The following RAD23B variants were observed in gnomAD, a reference collection of about 807,000 sequenced individuals.
RAD23B encodes the protein RAD23 nucleotide excision repair protein B.
RAD23B carries 5 observed loss-of-function variants against 49.1 expected under a neutral mutation model. That is an observed-to-expected ratio of 0.10 (90% CI 0.05 to 0.21). RAD23B has a LOEUF of 0.21. Ranked by LOEUF, RAD23B falls within the 10% of genes least tolerant of loss-of-function variation. The probability of loss-of-function intolerance (pLI) is 1.00; values close to 1 mark genes in which losing one functional copy is unlikely to be tolerated. For synonymous variants in RAD23B, 184 were observed against 165.4 expected (o/e 1.11, Z -0.86); for missense variants, 356 against 486.7 (o/e 0.73, Z 2.53).
At chr9:107,320,269 A>T (rs995295897) in intron 6 of RAD23B, among the ~76,000 whole-genome samples, 5 of 152,226 alleles carry the variant, frequency 3.3e-5, no homozygotes, top group African/African-American at 1.2e-4. Context: ...TGTGGAATTA[A>T]TAATTGTTGT....
chr9:107,289,928 T>A (rs1833348257), intron 1 of RAD23B, among the ~76,000 whole-genome samples: 1 of 152,314 alleles, frequency 6.6e-6, no homozygotes, highest in African/African-American at 2.4e-5. Context: ...TGTAGCCACA[T>A]TGACTTGTCT....
At chr9:107,299,609 TA>T (rs1304471005) in intron 1 of RAD23B, among the ~76,000 whole-genome samples, 2 of 152,076 alleles carry the variant, frequency 1.3e-5, no homozygotes, top group Non-Finnish European at 2.9e-5. Flanking sequence ...TAAAACTTTT[TA>T]AAAATACTGA....
At position 107,311,588 on chromosome 9, in the gene RAD23B, A is replaced by C. The variant is rs1826887797; in HGVS notation, c.498-94A>C. On this transcript the variant is annotated intron_variant, in intron 4 of 9. Transcript: ENST00000358015. ...AGACTTTTATATTTAATTAAAATCA[A>C]AGAATCTGTTTACCAATTGGATAGT... is the stretch of plus-strand genomic sequence containing the variant. 3 of 820,776 alleles carry C rather than the reference A, an allele frequency of 3.7e-6. No homozygotes were observed. The Admixed American group carries it at 9.6e-5, about 26-fold the overall frequency. The allele number at this position is 820,776 out of a possible 1,614,324, so 50.8% of individuals were successfully genotyped here.
chr9:107,292,130 A>G (rs888307859), intron 1 of RAD23B, among the ~76,000 whole-genome samples: 1 of 152,176 alleles, frequency 6.6e-6, no homozygotes, highest in African/African-American at 2.4e-5. Context: ...TTAATTAGCA[A>G]CTAGCTTTTT....
chr9:107,304,262 A>G (rs1826715527), intron 3 of RAD23B, among the ~76,000 whole-genome samples: 1 of 152,242 alleles, frequency 6.6e-6, no homozygotes. Flanking sequence ...TTGCAATATT[A>G]TTTTGATAAC....
rs114647556 is a variant in RAD23B, at chr9:107,315,060, C to G, written c.553+3323C>G. 2.0e-5 allele frequency among the ~76,000 whole-genome samples: 3 copies of G among 152,188 alleles called. No homozygotes were observed. The South Asian group carries it at 6.2e-4, about 32-fold the overall frequency. ...TTTGTTAGATTGCCTAAGCCAGTGT[C>G]CAGAAGAGTTTTTCTAGGTTTTCTT... On this transcript the variant is annotated intron_variant, in intron 5 of 9. Transcript: ENST00000358015.
intron 3 of RAD23B, among the ~76,000 whole-genome samples, chr9:107,305,510 T>C (rs1339671388): frequency 6.6e-6 from 1 of 152,130 alleles, no homozygotes; most frequent in East Asian, 1.9e-4. Context: ...AAAAAAATTA[T>C]CATGTAAGTG....
rs77865429 is a variant in RAD23B, at chr9:107,307,126, C to G, written c.497+479C>G. 5.6e-3 allele frequency among the ~76,000 whole-genome samples: 854 copies of G among 152,200 alleles called. 5 individuals carry two copies. Among genetic ancestry groups the G allele is most frequent in the Middle Eastern group, 0.01 (3 of 294 alleles). Reference sequence around the variant, plus strand: ...TTCTGACATTTGTTAGCTCTTGTAACCTGAACCTATGGACTATTTCAGTTT... The same window carrying G: ...TTCTGACATTTGTTAGCTCTTGTAAGCTGAACCTATGGACTATTTCAGTTT... On this transcript the variant is annotated intron_variant, in intron 4 of 9. Coordinates refer to ENST00000358015, the MANE Select transcript of RAD23B (RefSeq NM_002874.5).
chr9:107,298,102 T>C (rs1298363625), intron 1 of RAD23B, among the ~76,000 whole-genome samples: 3 of 152,200 alleles, frequency 2.0e-5, no homozygotes, highest in Non-Finnish European at 4.4e-5. Context: ...AAATATTGTA[T>C]CCTTTTGTCC....
intron 5 of RAD23B, among the ~76,000 whole-genome samples, chr9:107,317,778 A>T (rs1444951967): frequency 6.6e-6 from 1 of 152,040 alleles, no homozygotes; most frequent in Non-Finnish European, 1.5e-5. Context: ...GGTTTCATTT[A>T]TTCAGAGTGT....
chr9:107,299,633 A>T (rs1389997322), intron 1 of RAD23B, among the ~76,000 whole-genome samples: 1 of 152,218 alleles, frequency 6.6e-6, no homozygotes, highest in South Asian at 2.1e-4. Flanking sequence ...TCAAGGTCCC[A>T]CTCTCAGAGA....
rs1827049174 is a variant in RAD23B at position 107,318,838 on chromosome 9, A to G, written c.640A>G (p.Ser214Gly). Residue 214 changes from serine (S) to glycine (G), a missense_variant, in exon 6 of 10, where the codon AGT (serine) becomes GGT (glycine). Ser to Gly is a moderately conservative substitution (Grantham distance 56, BLOSUM62 0). Around this residue, in one of 5 missense-constraint regions of RAD23B, gnomAD observed 148 missense variants for 231.7 expected, o/e 0.64. Coordinates refer to ENST00000358015, the MANE Select transcript of RAD23B (RefSeq NM_002874.5). The surrounding 1 kb of genome is among the most constrained non-coding windows in gnomAD (Gnocchi z 4.3). The stretch of plus-strand genomic sequence containing the variant: ...GCAAGTAATTGCAGCCCTGAGAGCC[A>G]GTTTCAACAACCCTGACAGAGCAGT... ...REQVIAALRA[S>G]FNNPDRAVEY... The G allele has an allele frequency of 1.9e-6, 3 of 1,613,824 alleles. No homozygotes were observed. Among genetic ancestry groups the G allele is most frequent in the Non-Finnish European group, 2.5e-6 (3 of 1,179,720 alleles).
At chr9:107,306,099 T>A in intron 3 of RAD23B, among the ~76,000 whole-genome samples, 1 of 129,488 alleles carries the variant, frequency 7.7e-6, no homozygotes, top group African/African-American at 2.7e-5. Flanking sequence ...ATTTCAAATT[T>A]TTTATTTTAT....
At chr9:107,316,719 T>TA (rs1827005651) in intron 5 of RAD23B, among the ~76,000 whole-genome samples, 1 of 151,906 alleles carries the variant, frequency 6.6e-6, no homozygotes, top group Non-Finnish European at 1.5e-5. Flanking sequence ...ATTCAACAGA[T>TA]ACTCGGTTTC....
chr9:107,316,869 G>GA (rs1024890904), intron 5 of RAD23B, among the ~76,000 whole-genome samples: 5 of 151,372 alleles, frequency 3.3e-5, no homozygotes, highest in Non-Finnish European at 2.9e-5. Context: ...CTTCCCTAAA[G>GA]AAAAAACAGA....
At chr9:107,311,310 ATTTC>A (rs796459042) in intron 4 of RAD23B, among the ~76,000 whole-genome samples, 13 of 152,202 alleles carry the variant, frequency 8.5e-5, no homozygotes, top group African/African-American at 3.1e-4. Context: ...TGCTTTTGAT[ATTTC>A]TTCTGGTGTG....
Position 107,329,914 on chromosome 9 carries a change from T to G in RAD23B, c.*258T>G. 1 of 242,752 alleles carries G rather than the reference T, an allele frequency of 4.1e-6. No homozygotes were observed. The highest frequency in any genetic ancestry group is 7.9e-6 in the Non-Finnish European group (1 of 127,064). The allele number at this position is 242,752 out of a possible 1,614,324, so 15.0% of individuals were successfully genotyped here. On this transcript the variant is annotated 3_prime_UTR_variant, in exon 10 of 10. Transcript: ENST00000358015. ...ATCAGCTTTTGCAGGTCTTTATTTC[T>G]TCTGTAAAACAGTAGGTAACTTTTC...
In RAD23B at chr9:107,300,209, A is replaced by G; in HGVS notation, c.135A>G (p.Lys45=). The G allele has an allele frequency of 6.2e-7, 1 of 1,608,648 alleles. No individual in the cohort carries two copies. The highest frequency in any genetic ancestry group is 8.5e-7 in the Non-Finnish European group (1 of 1,177,370). Residue 45 remains lysine (K), a synonymous_variant, in exon 2 of 10, where the codon AAA becomes AAG. Transcript: ENST00000358015. ...ATGCCTTTCCAGTAGCAGGTCAAAA[A>G]TTAATTTATGCAGGTATGAATTAAA... ...GKDAFPVAGQ[K]LIYAGKILND... is the part of the protein sequence containing the mutation.
chr9:107,321,051 A>C (rs182762348), intron 6 of RAD23B, among the ~76,000 whole-genome samples: 1 of 152,196 alleles, frequency 6.6e-6, no homozygotes, highest in South Asian at 2.1e-4. Flanking sequence ...TGACAAGTCT[A>C]TCAATCATGT....
Sources: allele counts gnomAD v4.1 joint callset (sites outside exome capture counted in the v4.1 genomes callset), GRCh38; gene constraint gnomAD v4.1.1; regional missense constraint gnomAD v4.1.1; non-coding constraint Gnocchi (gnomAD v3.1); transcripts MANE v1.5; gene names NCBI Gene and HGNC (gene_info 2026-07-23, HGNC 2026-07-21).